Variants in TNIP2 observed in about 807,000 individuals in gnomAD.
TNIP2 encodes TNFAIP3 interacting protein 2.
Under a neutral mutation model 43.7 loss-of-function variants are expected in TNIP2, and 30 were observed. The observed-to-expected ratio is 0.69, with a 90% CI of 0.51 to 0.93. The LOEUF is 0.93. Ranked by LOEUF, TNIP2 falls within the 40% of genes least tolerant of loss-of-function variation. The probability of loss-of-function intolerance (pLI) is 0.00; values close to 1 mark genes in which losing one functional copy is unlikely to be tolerated. For missense variants in TNIP2, 599 were observed against 591.0 expected (o/e 1.01, Z -0.14); for synonymous variants, 260 against 254.6 (o/e 1.02, Z -0.20).
chr4:2,754,186 A>C (rs972016130), intron 1 of TNIP2, among the ~76,000 whole-genome samples: 6 of 152,246 alleles, frequency 3.9e-5, no homozygotes, highest in Admixed American at 1.3e-4. Context: ...TATCTTTCGC[A>C]GACTACTGCC....
chr4:2,754,516 A>G (rs1311513088), intron 1 of TNIP2, among the ~76,000 whole-genome samples: 1 of 152,232 alleles, frequency 6.6e-6, no homozygotes, highest in Non-Finnish European at 1.5e-5. Context: ...GCCCGGGTTC[A>G]TGCCATTCTC....
At chr4:2,746,768 C>T (rs1330646537) in intron 2 of TNIP2, among the ~76,000 whole-genome samples, 1 of 152,232 alleles carries the variant, frequency 6.6e-6, no homozygotes, top group Non-Finnish European at 1.5e-5. Flanking sequence ...GGGGTCTCAG[C>T]CTAGGTGAGA....
Position 2,747,923 on chromosome 4 carries a change from C to A in TNIP2, c.299G>T (p.Arg100Leu). ...CATCTCCCTCTCTTTTTCTTCTAGT[C>A]GCTCAGTCAGCCTCTCAATTTCCTA... is the stretch of plus-strand genomic sequence containing the variant. ...MRQEIERLTE[R>L]LEEKEREMQQ... Residue 100 changes from arginine (R) to leucine (L), a missense_variant, in exon 2 of 6, where the codon CGA becomes CTA. Coordinates refer to ENST00000315423, the MANE Select transcript of TNIP2 (RefSeq NM_024309.4). 3.1e-6 allele frequency: 5 copies of A among 1,612,646 alleles called. No homozygotes were observed. Among genetic ancestry groups the A allele is most frequent in the Non-Finnish European group, 4.2e-6 (5 of 1,179,708 alleles).
intron 1 of TNIP2, 121 bp downstream of exon 1, chr4:2,755,893 C>T: frequency 7.6e-7 from 1 of 1,318,644 alleles, no homozygotes; most frequent in Non-Finnish European, 9.8e-7. Context: ...CAACTCAACC[C>T]CAGGACCCAG....
chr4:2,743,028 A>C (rs1721839274), intron 5 of TNIP2, among the ~76,000 whole-genome samples: 1 of 152,156 alleles, frequency 6.6e-6, no homozygotes, highest in African/African-American at 2.4e-5. Flanking sequence ...ATGATCTGGC[A>C]CATGTTCTCC....
intron 2 of TNIP2, among the ~76,000 whole-genome samples, chr4:2,746,563 G>A (rs1721952822): frequency 6.6e-6 from 1 of 152,234 alleles, no homozygotes; most frequent in South Asian, 2.1e-4. Context: ...AATCCACCCA[G>A]CTGAGGTGGG....
At chr4:2,751,427 A>G (rs145041901) in intron 1 of TNIP2, among the ~76,000 whole-genome samples, 2 of 152,352 alleles carry the variant, frequency 1.3e-5, no homozygotes, top group Admixed American at 1.3e-4. Context: ...TAAGAGGCAC[A>G]GTGGCCTCTT....
chr4:2,747,842 C>T lies in TNIP2; in HGVS notation c.380G>A (p.Arg127Gln). 3.7e-6 allele frequency: 6 copies of T among 1,613,740 alleles called. No homozygotes were observed. Among genetic ancestry groups the T allele is most frequent in the South Asian group, 2.2e-5 (2 of 91,084 alleles). The change falls in exon 2 of 6, where the codon CGG (arginine) becomes CAG (glutamine). Residue 127 changes from arginine to glutamine, a missense_variant. By Grantham distance (43) the Arg-to-Gln change is conservative. Coordinates refer to ENST00000315423, the MANE Select transcript of TNIP2 (RefSeq NM_024309.4). ...HEREKEVVLL[R>Q]RSMAEGERAR... ...GCGCTCCCCTTCTGCCATGCTCCTC[C>T]GTAGCAGGACGACTTCCTTCTCTCG...
intron 5 of TNIP2, among the ~76,000 whole-genome samples, chr4:2,743,740 T>C (rs1166268466): frequency 6.6e-6 from 1 of 152,196 alleles, no homozygotes; most frequent in African/African-American, 2.4e-5. Context: ...CCCAGGCTAT[T>C]CCCAGGGCCA....
intron 2 of TNIP2, chr4:2,747,426 C>A: frequency 1.9e-6 from 1 of 528,638 alleles, no homozygotes; most frequent in Non-Finnish European, 3.4e-6. Flanking sequence ...CGGCCACAGG[C>A]CTGGTGCTGG....
rs1721907532 is a variant in TNIP2 at position 2,745,006 on chromosome 4, C to T, written c.658-61G>A. ...CAGCTGACAAAGCTGCTCAAGCCAG[C>T]ACCCAGTGTGAATTATGTATTAGCA... On this transcript the variant is annotated intron_variant, in intron 3 of 5. Coordinates refer to ENST00000315423, the MANE Select transcript of TNIP2 (RefSeq NM_024309.4). 10 of 1,545,220 alleles carry T rather than the reference C, an allele frequency of 6.5e-6. No individual in the cohort carries two copies. In the Admixed American group the frequency reaches 8.0e-5, roughly 12 times the overall value.
chr4:2,745,586 G>A, intron 2 of TNIP2, 51 bp from the exon 3 acceptor site: 1 of 1,355,602 alleles, frequency 7.4e-7, no homozygotes, highest in Non-Finnish European at 1.1e-6. Flanking sequence ...ACAGCAAGAG[G>A]GGAGAAAGCT....
At chr4:2,747,631 C>CTGCTT in intron 2 of TNIP2, 24 bp downstream of exon 2, 2 of 1,581,542 alleles carry the variant, frequency 1.3e-6, no homozygotes, top group Non-Finnish European at 1.7e-6. Flanking sequence ...GTCTTCCCCA[C>CTGCTT]ACTCTGCTTA....
Position 2,742,495 on chromosome 4 carries a change from C to A in TNIP2, c.1052G>T (p.Arg351Leu). The change falls in exon 6 of 6, where the codon CGG becomes CTG. Residue 351 changes from arginine (R) to leucine (L), a missense_variant. Coordinates refer to ENST00000315423, the MANE Select transcript of TNIP2 (RefSeq NM_024309.4). ...RQDSREPDAG[R>L]IHAGSKTAKY... ...GGCAGTTTTGCTCCCAGCGTGAATC[C>A]GGCCGGCGTCTGGCTCTCGAGAATC... 1 of 1,597,144 alleles carries A rather than the reference C, an allele frequency of 6.3e-7. No homozygotes were observed. The highest frequency in any genetic ancestry group is 1.1e-5 in the South Asian group (1 of 89,572).
rs1321922154 is a variant in TNIP2 at position 2,744,314 on chromosome 4, A to T, written c.1026+73T>A. On this transcript the variant is annotated intron_variant, in intron 5 of 5. Coordinates refer to ENST00000315423, the MANE Select transcript of TNIP2 (RefSeq NM_024309.4). The surrounding 1 kb of genome is among the most constrained non-coding windows in gnomAD (Gnocchi z 5.1). Reference sequence around the variant, plus strand: ...AATCAGGGCCTTGGCAGACACAGAAAGGCTCTAATCTCATGAGAAGAGAAA... The same window carrying T: ...AATCAGGGCCTTGGCAGACACAGAATGGCTCTAATCTCATGAGAAGAGAAA... The T allele has an allele frequency of 1.8e-5, 28 of 1,586,930 alleles. No individual in the cohort carries two copies. The highest frequency in any genetic ancestry group is 2.3e-5 in the Non-Finnish European group (27 of 1,161,364).
chr4:2,749,018 T>C (rs141983073), intron 1 of TNIP2, among the ~76,000 whole-genome samples: 1 of 151,582 alleles, frequency 6.6e-6, no homozygotes, highest in African/African-American at 2.4e-5. Flanking sequence ...CTTGAACTCC[T>C]GGGCTCAAGA....
Position 2,744,865 on chromosome 4 carries a change from C to A in TNIP2, c.738G>T (p.Arg246Ser). The A allele has an allele frequency of 6.2e-7, 1 of 1,614,020 alleles. No individual in the cohort carries two copies. The stretch of plus-strand genomic sequence containing the variant: ...CGGGCTCGTGGGGGATCTGCAGCCC[C>A]CTGAGCTGCGCATGGAGCCCCCTCA... ...EYVRGLHAQL[R>S]GLQIPHEPEL... The change falls in exon 4 of 6, where the codon AGG becomes AGT. Residue 246 changes from arginine (R) to serine (S), a missense_variant. Physicochemically the swap from Arg to Ser is moderately radical, Grantham distance 110 (BLOSUM62 -1). Transcript: ENST00000315423. The surrounding 1 kb of genome is among the most constrained non-coding windows in gnomAD (Gnocchi z 5.1).
Position 2,742,516 on chromosome 4 carries a change from G to A in TNIP2, c.1031C>T (p.Ser344Phe), listed in dbSNP as rs778829136. 30 of 1,579,962 alleles carry A rather than the reference G, an allele frequency of 1.9e-5. No homozygotes were observed. Among genetic ancestry groups the A allele is most frequent in the Admixed American group, 1.2e-4 (7 of 57,286 alleles). ...AATCCGGCCGGCGTCTGGCTCTCGAGAATCCTGGAGAAAAGGCAAGGGTGT... is the reference window on the plus strand; with the variant it reads ...AATCCGGCCGGCGTCTGGCTCTCGAAAATCCTGGAGAAAAGGCAAGGGTGT... The part of the protein sequence containing the change: ...LLHQVSWRQD[S>F]REPDAGRIHA... Residue 344 changes from serine to phenylalanine, a missense_variant, in exon 6 of 6, where the codon TCT (serine) becomes TTT (phenylalanine). By Grantham distance (155) the Ser-to-Phe change is radical. Coordinates refer to ENST00000315423, the MANE Select transcript of TNIP2 (RefSeq NM_024309.4).
chr4:2,750,424 TATTA>T (rs1722071466), intron 1 of TNIP2, among the ~76,000 whole-genome samples: 1 of 91,052 alleles, frequency 1.1e-5, no homozygotes, highest in South Asian at 3.7e-4. Flanking sequence ...TTATTATTAT[TATTA>T]TTATTTTATT....
Sources: gnomAD v4.1 joint callset for allele counts (sites outside exome capture counted in the v4.1 genomes callset) on GRCh38, gnomAD v4.1.1 for gene constraint, Gnocchi (gnomAD v3.1) non-coding constraint, MANE v1.5 for transcripts, NCBI Gene and HGNC (gene_info 2026-07-23, HGNC 2026-07-21) for gene names.